The following EP300 variants were observed in gnomAD, a reference collection of about 807,000 sequenced individuals.
EP300 encodes the protein histone acetyltransferase p300.
EP300 carries 31 observed loss-of-function variants against 264.0 expected under a neutral mutation model. The ratio of observed to expected loss-of-function variants is 0.12; its 90% CI spans 0.09 to 0.16. The LOEUF (loss-of-function observed/expected upper bound fraction) is 0.16, where lower values mean the gene tolerates loss of function less well. Among genes scored for constraint, EP300 ranks in the 10% least tolerant of loss-of-function variants. The pLI is 1.00. For synonymous variants in EP300, 1,340 were observed against 1,045.4 expected, an observed-to-expected ratio of 1.28 and a Z score of -5.44; for missense variants, 2,766 against 3,052.9, an observed-to-expected ratio of 0.91 and a Z score of 2.21.
At position 41,107,793 on chromosome 22, in the gene EP300, T is replaced by A. The variant is rs183946451; in HGVS notation, c.95-9394T>A. On this transcript the variant is annotated intron_variant, in intron 1 of 30. Coordinates refer to ENST00000263253, the MANE Select transcript of EP300 (RefSeq NM_001429.4). Reference sequence around the variant, plus strand: ...TCGGCTCACTGCAACCTCTGCCTCCTGGGTTCAAGCGATTCTCCTGCCTCA... The same window carrying A: ...TCGGCTCACTGCAACCTCTGCCTCCAGGGTTCAAGCGATTCTCCTGCCTCA... Among the ~76,000 whole-genome samples, 62 of 152,278 alleles carry A rather than the reference T, an allele frequency of 4.1e-4. No homozygotes were observed. In the East Asian group the frequency reaches 0.011, roughly 28 times the overall value.
Position 41,178,421 on chromosome 22 carries a change from G to A in EP300, c.6710G>A (p.Gly2237Glu), listed in dbSNP as rs2145521967. The A allele has an allele frequency of 6.2e-7, 1 of 1,614,116 alleles. No homozygotes were observed. Among genetic ancestry groups the A allele is most frequent in the Non-Finnish European group, 8.5e-7 (1 of 1,180,032 alleles). ...MQHHMQQMQQ[G>E]NMGQIGQLPQ... Reference sequence around the variant, plus strand: ...CATCACATGCAACAGATGCAACAAGGAAATATGGGACAGATAGGCCAGCTT... The same window carrying A: ...CATCACATGCAACAGATGCAACAAGAAAATATGGGACAGATAGGCCAGCTT... The change falls in exon 31 of 31, where the codon GGA becomes GAA. Residue 2237 changes from glycine (G) to glutamate (E), a missense_variant. Physicochemically the swap from Gly to Glu is moderately conservative, Grantham distance 98. Transcript: ENST00000263253.
chr22:41,107,560 C>T (rs1378043032), intron 1 of EP300, among the ~76,000 whole-genome samples: 2 of 151,940 alleles, frequency 1.3e-5, no homozygotes, highest in Non-Finnish European at 2.9e-5. Flanking sequence ...GTTCATAGTA[C>T]AGTGTTTGGG....
chr22:41,106,115 T>C (rs1284995518), intron 1 of EP300, among the ~76,000 whole-genome samples: 1 of 152,340 alleles, frequency 6.6e-6, no homozygotes, highest in South Asian at 2.1e-4. Flanking sequence ...TAACTTTTTT[T>C]AAATGAAGTA....
chr22:41,162,904 C>A, intron 21 of EP300, 125 bp downstream of exon 21: 1 of 783,018 alleles, frequency 1.3e-6, no homozygotes, highest in Non-Finnish European at 2.3e-6. Context: ...TAACATACAT[C>A]TAATGGATAG....
chr22:41,168,704 C>T lies in EP300; in HGVS notation c.4026-17C>T, dbSNP rs2294976. On this transcript the variant is annotated splice_polypyrimidine_tract_variant and intron_variant, in intron 24 of 30. Coordinates refer to ENST00000263253, the MANE Select transcript of EP300 (RefSeq NM_001429.4). ...AATGAGTTATGTTGTGGTTCCCCCA[C>T]CATCTCAATTGTATAGGTTTGTGGA... 6.2e-7 allele frequency: 1 copy of T among 1,614,160 alleles called. No homozygotes were observed. Among genetic ancestry groups the T allele is most frequent in the Non-Finnish European group, 8.5e-7 (1 of 1,180,028 alleles).
intron 19 of EP300, chr22:41,158,821 G>C (rs1489019717): frequency 3.3e-6 from 1 of 304,266 alleles, no homozygotes; most frequent in East Asian, 6.8e-5. Flanking sequence ...CACAGCCTGA[G>C]GCAAAACTGA....
At position 41,176,754 on chromosome 22, in the gene EP300, C is replaced by T. The variant is rs761364708; in HGVS notation, c.5062-19C>T. The T allele has an allele frequency of 5.6e-6, 9 of 1,613,820 alleles. No homozygotes were observed. In the South Asian group the frequency reaches 7.7e-5, roughly 14 times the overall value. On this transcript the variant is annotated intron_variant, in intron 30 of 30. Transcript: ENST00000263253. ...TTAAATCTTGGAGAGTTTACGTGCA[C>T]CTCCTGTTTTTTCCCTAGGATTATG...
At chr22:41,140,655 C>T (rs2058976894) in intron 9 of EP300, among the ~76,000 whole-genome samples, 1 of 152,026 alleles carries the variant, frequency 6.6e-6, no homozygotes, top group Non-Finnish European at 1.5e-5. Context: ...AAAAATTAGC[C>T]AGGCATGGTG....
At chr22:41,140,286 G>T (rs766802976) in intron 9 of EP300, 29 bp downstream of exon 9, 9 of 1,423,110 alleles carry the variant, frequency 6.3e-6, no homozygotes, top group Non-Finnish European at 8.9e-6. Context: ...TCTATTAATA[G>T]CCAAGATTGA....
chr22:41,170,751 TC>T (rs2059165264), intron 27 of EP300, among the ~76,000 whole-genome samples, 180 bp downstream of exon 27: 5 of 136,380 alleles, frequency 3.7e-5, no homozygotes, highest in African/African-American at 1.1e-4. Flanking sequence ...AAGCTCCGCC[TC>T]CTGGGTTCAT....
intron 16 of EP300, among the ~76,000 whole-genome samples, chr22:41,153,691 T>C (rs895277218): frequency 2.0e-5 from 3 of 152,086 alleles, no homozygotes; most frequent in African/African-American, 7.2e-5. Flanking sequence ...TGGAAGGAGG[T>C]TGCAGTGAGC....
At chr22:41,126,735 T>C (rs1400819912) in intron 3 of EP300, among the ~76,000 whole-genome samples, 1 of 63,700 alleles carries the variant, frequency 1.6e-5, no homozygotes, top group Non-Finnish European at 3.7e-5. Flanking sequence ...TTCACTTTTT[T>C]TTTTTTTTTT....
chr22:41,129,523 C>T (rs139284243), intron 4 of EP300, among the ~76,000 whole-genome samples: 2 of 152,214 alleles, frequency 1.3e-5, no homozygotes, highest in African/African-American at 2.4e-5. Context: ...CGATCTAATA[C>T]AATTTGTATG....
At chr22:41,094,166 T>C (rs1038688209) in intron 1 of EP300, among the ~76,000 whole-genome samples, 1 of 152,192 alleles carries the variant, frequency 6.6e-6, no homozygotes, top group African/African-American at 2.4e-5. Flanking sequence ...TTTTCTTTGC[T>C]GGGATAATGA....
chr22:41,140,136 C>A lies in EP300; in HGVS notation c.1761-4C>A. On this transcript the variant is annotated splice_region_variant and splice_polypyrimidine_tract_variant and intron_variant, in intron 8 of 30. Transcript: ENST00000263253. ...ATTACAGTGGTAGGATTTTCTTTTTCCAGCGTCCAAGCCATATTTCCTACG... is the reference window on the plus strand; with the variant it reads ...ATTACAGTGGTAGGATTTTCTTTTTACAGCGTCCAAGCCATATTTCCTACG... 1 of 1,607,728 alleles carries A rather than the reference C, an allele frequency of 6.2e-7. No homozygotes were observed. Among genetic ancestry groups the A allele is most frequent in the South Asian group, 1.1e-5 (1 of 90,920 alleles).
rs948341214 is a variant in EP300 at position 41,179,882 on chromosome 22, A to ACT, written c.*927_*928insTC. ...TTCCTCCTTACCCTACCCCCCACTC[A>ACT]CACACACACACACACACACACACAC... On this transcript the variant is annotated 3_prime_UTR_variant, in exon 31 of 31. Coordinates refer to ENST00000263253, the MANE Select transcript of EP300 (RefSeq NM_001429.4). The ACT allele has an allele frequency of 7.9e-5, 1 of 12,692 alleles. No individual in the cohort carries two copies. The highest frequency in any genetic ancestry group is 2.9e-4 in the African/African-American group (1 of 3,438). The allele number at this position is 12,692 out of a possible 1,614,324, so 0.8% of individuals were successfully genotyped here.
At chr22:41,140,080 C>G in intron 8 of EP300, 60 bp from the exon 9 acceptor site, 5 of 1,248,628 alleles carry the variant, frequency 4.0e-6, no homozygotes, top group South Asian at 1.2e-5. Flanking sequence ...GTATAAAAAT[C>G]AGAAAAATAC....
intron 15 of EP300, 88 bp downstream of exon 15, chr22:41,152,100 A>G (rs1024246730): frequency 4.4e-6 from 7 of 1,587,860 alleles, no homozygotes; most frequent in Non-Finnish European, 6.0e-6. Context: ...AAATATTTTG[A>G]TAATTAGATC....
At chr22:41,142,426 G>A (rs1312077959) in intron 10 of EP300, among the ~76,000 whole-genome samples, 2 of 152,114 alleles carry the variant, frequency 1.3e-5, no homozygotes, top group South Asian at 2.1e-4. Flanking sequence ...AAAGTTGGGA[G>A]GAGCAACATT....
Sources: allele counts gnomAD v4.1 joint callset (sites outside exome capture counted in the v4.1 genomes callset), GRCh38; gene constraint gnomAD v4.1.1; transcripts MANE v1.5; gene names NCBI Gene and HGNC (gene_info 2026-07-23, HGNC 2026-07-21).